The following CSMD1 variants were observed in gnomAD, a reference collection of about 807,000 sequenced individuals.
The protein encoded by CSMD1 is CUB and Sushi multiple domains 1.
CSMD1 carries 213 observed loss-of-function variants against 417.5 expected under a neutral mutation model. The observed-to-expected ratio is 0.51, with a 90% CI of 0.46 to 0.57. CSMD1 has a LOEUF of 0.57. Among genes scored for constraint, CSMD1 ranks in the 20% least tolerant of loss-of-function variants. CSMD1 has a pLI of 0.00. For synonymous variants in CSMD1, 2,862 were observed against 1,736.8 expected, an observed-to-expected ratio of 1.65 and a Z score of -16.11; for missense variants, 6,923 against 4,529.7, an observed-to-expected ratio of 1.53 and a Z score of -15.17.
chr8:4,878,408 A>C (rs1803182759), intron 1 of CSMD1, among the ~76,000 whole-genome samples: 1 of 152,018 alleles, frequency 6.6e-6, no homozygotes, highest in Admixed American at 6.6e-5. Flanking sequence ...ATTTTGTAGA[A>C]AGTATTAGTA....
Position 4,185,766 on chromosome 8 carries a change from C to G in CSMD1, c.416-153667G>C, listed in dbSNP as rs545329433. The stretch of plus-strand genomic sequence containing the variant: ...GAGCTATCATTTTGAGATAAAATAT[C>G]CCCTACCAGTGGAAATGTGTAAGAT... On this transcript the variant is annotated intron_variant, in intron 3 of 69. Transcript: ENST00000635120. 5.3e-5 allele frequency among the ~76,000 whole-genome samples: 8 copies of G among 152,254 alleles called. No homozygotes were observed. The South Asian group carries it at 1.7e-3, about 32-fold the overall frequency.
At chr8:4,890,959 G>T (rs986324315) in intron 1 of CSMD1, among the ~76,000 whole-genome samples, 3 of 152,044 alleles carry the variant, frequency 2.0e-5, no homozygotes, top group African/African-American at 7.3e-5. Context: ...GGAAAGTATT[G>T]GTGGTGTTTG....
intron 2 of CSMD1, among the ~76,000 whole-genome samples, chr8:4,425,437 G>C (rs985430623): frequency 6.6e-6 from 1 of 151,572 alleles, no homozygotes; most frequent in Non-Finnish European, 1.5e-5. Context: ...GGAAGGATGA[G>C]TGGATCCAAT....
chr8:4,346,887 T>C (rs912295939), intron 3 of CSMD1, among the ~76,000 whole-genome samples: 15 of 149,336 alleles, frequency 1.0e-4, no homozygotes, highest in African/African-American at 3.9e-4. Context: ...TCTGGCTGGA[T>C]TGTAAAACCT....
chr8:4,767,130 G>A (rs556885732), intron 1 of CSMD1, among the ~76,000 whole-genome samples: 14 of 152,110 alleles, frequency 9.2e-5, no homozygotes, highest in Middle Eastern at 3.2e-3. Context: ...TCGACAAAGC[G>A]ATGCAGTGGG....
At chr8:4,701,850 T>G (rs1807578541) in intron 1 of CSMD1, among the ~76,000 whole-genome samples, 1 of 152,164 alleles carries the variant, frequency 6.6e-6, no homozygotes, top group Admixed American at 6.5e-5. Context: ...GCAACTCCAT[T>G]AAGAATCAAC....
chr8:3,599,085 A>G (rs1308048750), intron 8 of CSMD1, among the ~76,000 whole-genome samples: 2 of 151,942 alleles, frequency 1.3e-5, no homozygotes, highest in Non-Finnish European at 2.9e-5. Flanking sequence ...CGTCTCAAAA[A>G]AGAAAAGAAA....
chr8:4,249,758 T>A (rs899318013), intron 3 of CSMD1, among the ~76,000 whole-genome samples: 6 of 150,670 alleles, frequency 4.0e-5, no homozygotes, highest in African/African-American at 1.4e-4. Flanking sequence ...AGTCTATTAA[T>A]GGGGGAATTA....
intron 1 of CSMD1, among the ~76,000 whole-genome samples, chr8:4,687,906 C>G (rs1424339950): frequency 6.6e-6 from 1 of 152,056 alleles, no homozygotes; most frequent in Non-Finnish European, 1.5e-5. Context: ...TGGATAACGA[C>G]ATGTCATATG....
intron 10 of CSMD1, among the ~76,000 whole-genome samples, chr8:3,545,399 T>C (rs1028966776): frequency 3.3e-5 from 5 of 152,200 alleles, no homozygotes; most frequent in Admixed American, 1.3e-4. Flanking sequence ...TAAACAGCCA[T>C]TGTGATGTCT....
chr8:3,646,020 C>G (rs1008044374), intron 7 of CSMD1, among the ~76,000 whole-genome samples: 4 of 148,436 alleles, frequency 2.7e-5, no homozygotes, highest in African/African-American at 1.0e-4. Flanking sequence ...ATAGCATTAA[C>G]AAAAACTAGA....
chr8:3,227,462 C>G (rs1210626132), intron 27 of CSMD1, among the ~76,000 whole-genome samples: 2 of 152,090 alleles, frequency 1.3e-5, no homozygotes, highest in African/African-American at 2.4e-5. Context: ...AGAAATATGT[C>G]ACTTATTAAT....
At chr8:4,030,897 G>T (rs888769464) in intron 4 of CSMD1, among the ~76,000 whole-genome samples, 1 of 152,100 alleles carries the variant, frequency 6.6e-6, no homozygotes, top group Non-Finnish European at 1.5e-5. Context: ...CAAGTTCAAA[G>T]TTCCACAACT....
At chr8:3,753,818 T>A in intron 6 of CSMD1, 112 bp downstream of exon 6, 1 of 664,550 alleles carries the variant, frequency 1.5e-6, no homozygotes, top group Non-Finnish European at 2.5e-6. Context: ...AATAAAAGAA[T>A]TAGAAACCAT....
At chr8:3,617,815 T>C (rs562671381) in intron 7 of CSMD1, among the ~76,000 whole-genome samples, 68 of 152,316 alleles carry the variant, frequency 4.5e-4, no homozygotes, top group African/African-American at 1.4e-3. Flanking sequence ...TGATTTACTA[T>C]AGCGTAAATC....
intron 1 of CSMD1, among the ~76,000 whole-genome samples, chr8:4,734,838 A>G (rs990134773): frequency 1.3e-5 from 2 of 152,098 alleles, no homozygotes; most frequent in Admixed American, 6.6e-5. Flanking sequence ...GGCTCTGTGG[A>G]CTGAACTCTC....
intron 3 of CSMD1, among the ~76,000 whole-genome samples, chr8:4,383,129 A>G (rs1205571510): frequency 6.6e-6 from 1 of 152,152 alleles, no homozygotes; most frequent in African/African-American, 2.4e-5. Context: ...GTATTAAACT[A>G]AGCAACTTGA....
chr8:4,750,943 C>G (rs1000472657), intron 1 of CSMD1, among the ~76,000 whole-genome samples: 1 of 152,150 alleles, frequency 6.6e-6, no homozygotes, highest in Non-Finnish European at 1.5e-5. Context: ...AATGTTGGTG[C>G]TTACAGCCAT....
intron 1 of CSMD1, among the ~76,000 whole-genome samples, chr8:4,993,171 T>C (rs1261894108): frequency 2.6e-5 from 4 of 151,502 alleles, no homozygotes; most frequent in African/African-American, 4.9e-5. Flanking sequence ...GACGGGGAAA[T>C]ATTATGTAGG....
Sources: allele counts gnomAD v4.1 joint callset (sites outside exome capture counted in the v4.1 genomes callset), GRCh38; gene constraint gnomAD v4.1.1; transcripts MANE v1.5; gene names NCBI Gene and HGNC (gene_info 2026-07-23, HGNC 2026-07-21).